Variants in CSMD1 observed in about 807,000 individuals in gnomAD.
CSMD1 encodes the protein CUB and sushi domain-containing protein 1.
A neutral mutation model predicts 417.5 loss-of-function variants in CSMD1; 213 were observed. That is an observed-to-expected ratio of 0.51 (90% CI 0.46 to 0.57). CSMD1 has a LOEUF of 0.57. CSMD1 is among the 20% of genes least tolerant of loss of function. The probability of loss-of-function intolerance (pLI) is 0.00; values close to 1 mark genes in which losing one functional copy is unlikely to be tolerated. For synonymous variants in CSMD1, 2,862 were observed against 1,736.8 expected (o/e 1.65, Z -16.11); for missense variants, 6,923 against 4,529.7 (o/e 1.53, Z -15.17).
intron 5 of CSMD1, among the ~76,000 whole-genome samples, chr8:3,754,305 G>T (rs1239390792): frequency 6.6e-6 from 1 of 152,146 alleles, no homozygotes; most frequent in African/African-American, 2.4e-5. Flanking sequence ...GGTGAATGCA[G>T]GAGGAGGTAT....
At chr8:4,169,536 G>A (rs542133774) in intron 3 of CSMD1, among the ~76,000 whole-genome samples, 5 of 152,106 alleles carry the variant, frequency 3.3e-5, no homozygotes, top group Non-Finnish European at 5.9e-5. Context: ...TGAAATGGCA[G>A]CCTCCAAACT....
intron 5 of CSMD1, among the ~76,000 whole-genome samples, chr8:3,932,512 T>C (rs191276595): frequency 2.0e-5 from 3 of 150,646 alleles, no homozygotes; most frequent in Admixed American, 2.0e-4. Context: ...AAGCAGCAGA[T>C]GTTAGCCTTA....
At chr8:3,250,845 G>A (rs1307421857) in intron 26 of CSMD1, among the ~76,000 whole-genome samples, 2 of 152,138 alleles carry the variant, frequency 1.3e-5, no homozygotes, top group Non-Finnish European at 2.9e-5. Context: ...GTGTCTGTTG[G>A]CTGCATAAAT....
chr8:3,932,146 A>G (rs1456241945), intron 5 of CSMD1, among the ~76,000 whole-genome samples: 1 of 150,338 alleles, frequency 6.7e-6, no homozygotes, highest in Non-Finnish European at 1.5e-5. Context: ...TATTGAGGAC[A>G]GTGCTGGAAT....
At chr8:4,390,518 T>TTTATTTATTTA (rs1264072899) in intron 3 of CSMD1, among the ~76,000 whole-genome samples, 5 of 149,724 alleles carry the variant, frequency 3.3e-5, no homozygotes, top group African/African-American at 1.2e-4. Context: ...TATTTATTTA[T>TTTATTTATTTA]TTATTTATTT....
chr8:3,814,202 G>A (rs531429549), intron 5 of CSMD1, among the ~76,000 whole-genome samples: 1 of 152,182 alleles, frequency 6.6e-6, no homozygotes, highest in African/African-American at 2.4e-5. Context: ...CTTTCAACAT[G>A]TTTCCCAGCT....
rs866435360 is a variant in CSMD1, at chr8:4,059,161, C to T, written c.416-27062G>A. Among the ~76,000 whole-genome samples the T allele has an allele frequency of 7.2e-4, 109 of 152,218 alleles. 1 individual carries two copies. The highest frequency in any genetic ancestry group is 2.5e-3 in the South Asian group (12 of 4,822). ...ACTCACTCAGAACCGCTTAACTACACAGAAACTGAACAACCTGCTGCTGAA... is the reference window on the plus strand; with the variant it reads ...ACTCACTCAGAACCGCTTAACTACATAGAAACTGAACAACCTGCTGCTGAA... On this transcript the variant is annotated intron_variant, in intron 3 of 69. Transcript: ENST00000635120.
At chr8:3,772,031 A>G (rs1798599680) in intron 5 of CSMD1, among the ~76,000 whole-genome samples, 1 of 151,840 alleles carries the variant, frequency 6.6e-6, no homozygotes, top group South Asian at 2.1e-4. Context: ...GGATCTAAAG[A>G]GGAGCTTCTA....
intron 2 of CSMD1, among the ~76,000 whole-genome samples, chr8:4,530,314 C>CT (rs759268228): frequency 0.028 from 1,320 of 46,582 alleles, 129 homozygotes; most frequent in Middle Eastern, 0.12. Context: ...ACAGGTAGTG[C>CT]TTTTTTTTTT....
intron 42 of CSMD1, among the ~76,000 whole-genome samples, chr8:3,117,638 T>G (rs1001879020): frequency 6.6e-6 from 1 of 152,184 alleles, no homozygotes; most frequent in African/African-American, 2.4e-5. Flanking sequence ...TTATTTTAAT[T>G]AGATATTGAA....
At chr8:3,005,122 G>A (rs1034155777) in intron 52 of CSMD1, among the ~76,000 whole-genome samples, 1 of 152,154 alleles carries the variant, frequency 6.6e-6, no homozygotes, top group Admixed American at 6.5e-5. Context: ...CTGGACGACA[G>A]AGCAAGACTC....
chr8:4,678,631 C>A (rs1308876974), intron 1 of CSMD1, among the ~76,000 whole-genome samples: 3 of 152,098 alleles, frequency 2.0e-5, no homozygotes, highest in African/African-American at 7.2e-5. Flanking sequence ...CTACTAAAAA[C>A]ATGTGCTACC....
At chr8:4,757,635 T>C (rs1478551211) in intron 1 of CSMD1, among the ~76,000 whole-genome samples, 1 of 152,142 alleles carries the variant, frequency 6.6e-6, no homozygotes, top group Non-Finnish European at 1.5e-5. Context: ...TCTTCAGCTT[T>C]TATGAATAAC....
intron 3 of CSMD1, among the ~76,000 whole-genome samples, chr8:4,304,910 T>G (rs576160598): frequency 6.6e-6 from 1 of 152,244 alleles, no homozygotes; most frequent in African/African-American, 2.4e-5. Flanking sequence ...TATTAAGGTG[T>G]AACGATGAGA....
intron 1 of CSMD1, among the ~76,000 whole-genome samples, chr8:4,645,812 G>A (rs370521265): frequency 1.2e-3 from 177 of 152,136 alleles, no homozygotes; most frequent in African/African-American, 3.8e-3. Flanking sequence ...TTTAGATTCC[G>A]GGACACATCA....
chr8:4,074,514 C>G (rs1441988266), intron 3 of CSMD1, among the ~76,000 whole-genome samples: 2 of 152,020 alleles, frequency 1.3e-5, no homozygotes, highest in Non-Finnish European at 2.9e-5. Flanking sequence ...CTTTACAAAA[C>G]ATGATATTTG....
At chr8:4,732,381 GTA>G (rs1491551442) in intron 1 of CSMD1, among the ~76,000 whole-genome samples, 8,727 of 147,014 alleles carry the variant, frequency 0.059, 325 homozygotes, top group East Asian at 0.19. Flanking sequence ...GTGTGTGTGT[GTA>G]GTGTTTTTCC....
intron 1 of CSMD1, among the ~76,000 whole-genome samples, chr8:4,815,865 G>C (rs905207541): frequency 1.3e-5 from 2 of 152,222 alleles, no homozygotes; most frequent in African/African-American, 4.8e-5. Flanking sequence ...GTTTTAAAGA[G>C]TGGGACTGCT....
At chr8:4,046,391 C>A (rs1291038100) in intron 3 of CSMD1, among the ~76,000 whole-genome samples, 4 of 152,136 alleles carry the variant, frequency 2.6e-5, no homozygotes, top group Non-Finnish European at 4.4e-5. Flanking sequence ...TAGTATATTA[C>A]AAATCCATGA....
Sources: allele counts gnomAD v4.1 joint callset (sites outside exome capture counted in the v4.1 genomes callset), GRCh38; gene constraint gnomAD v4.1.1; transcripts MANE v1.5; gene names NCBI Gene and HGNC (gene_info 2026-07-23, HGNC 2026-07-21).